Variants in IGSF11 observed in about 807,000 individuals in gnomAD.
IGSF11 encodes the protein CXADR like 1.
Under a neutral mutation model 41.0 loss-of-function variants are expected in IGSF11, and 22 were observed. The observed-to-expected ratio is 0.54, with a 90% CI of 0.38 to 0.77. IGSF11 has a LOEUF of 0.77. Among genes scored for constraint, IGSF11 ranks in the 30% least tolerant of loss-of-function variants. IGSF11 has a pLI of 0.00. For synonymous variants in IGSF11, 219 were observed against 201.3 expected (o/e 1.09, Z -0.74); for missense variants, 444 against 530.8 (o/e 0.84, Z 1.61).
chr3:118,907,586 C>A (rs1449003977), intron 4 of IGSF11, among the ~76,000 whole-genome samples: 1 of 152,090 alleles, frequency 6.6e-6, no homozygotes, highest in African/African-American at 2.4e-5. Flanking sequence ...TAAAAGTGAT[C>A]AATAAATAAA....
intron 1 of IGSF11, among the ~76,000 whole-genome samples, chr3:118,958,029 C>T (rs1443890668): frequency 6.6e-6 from 1 of 152,128 alleles, no homozygotes; most frequent in African/African-American, 2.4e-5. Flanking sequence ...ATCAAAGGTG[C>T]TAAAATACAA....
intron 1 of IGSF11, among the ~76,000 whole-genome samples, chr3:119,028,842 A>C (rs1940084820): frequency 6.6e-6 from 1 of 152,136 alleles, no homozygotes; most frequent in Admixed American, 6.5e-5. Flanking sequence ...TCTTTAAAAA[A>C]GAAAATGCAC....
At position 119,046,430 on chromosome 3, in the gene IGSF11, G is replaced by A. The variant is rs923252542; in HGVS notation, c.49+58714C>T. Among the ~76,000 whole-genome samples, 6 of 152,186 alleles carry A rather than the reference G, an allele frequency of 3.9e-5. 1 individual carries two copies. The highest frequency in any genetic ancestry group is 3.9e-4 in the East Asian group (2 of 5,188). On this transcript the variant is annotated intron_variant, in intron 1 of 6. Transcript: ENST00000354673. ...TGAAATGAATGAAATGAACCAAGAA[G>A]GAAAGTTTAGAGAAAAAAGAATAAA...
chr3:119,120,072 C>A (rs2077311834), intron 1 of IGSF11, among the ~76,000 whole-genome samples: 1 of 152,180 alleles, frequency 6.6e-6, no homozygotes, highest in Non-Finnish European at 1.5e-5. Context: ...TCTGACTGAC[C>A]TTGAGGTCCT....
At chr3:118,932,368 G>A (rs1942931114) in intron 1 of IGSF11, among the ~76,000 whole-genome samples, 1 of 152,184 alleles carries the variant, frequency 6.6e-6, no homozygotes, top group South Asian at 2.1e-4. Context: ...ATACTGTTAT[G>A]ATTACAATTA....
Position 118,902,503 on chromosome 3 carries a change from C to A in IGSF11, c.*17G>T. 1 of 1,258,708 alleles carries A rather than the reference C, an allele frequency of 7.9e-7. No individual in the cohort carries two copies. Among genetic ancestry groups the A allele is most frequent in the African/African-American group, 1.6e-5 (1 of 64,080 alleles). The allele number at this position is 1,258,708 out of a possible 1,614,324, so 78.0% of individuals were successfully genotyped here. ...CATTCCATTTATTCATTTCTGAACA[C>A]AACATTTCCTCATGTCCTATACCAA... On this transcript the variant is annotated 3_prime_UTR_variant, in exon 7 of 7. Transcript: ENST00000393775.
At chr3:119,078,817 T>C (rs2076543242) in intron 1 of IGSF11, among the ~76,000 whole-genome samples, 1 of 152,092 alleles carries the variant, frequency 6.6e-6, no homozygotes, top group Admixed American at 6.6e-5. Context: ...AAACTATGCA[T>C]CCTACAATGG....
intron 1 of IGSF11, among the ~76,000 whole-genome samples, chr3:119,099,260 T>C (rs1649315910): frequency 6.6e-6 from 1 of 152,026 alleles, no homozygotes; most frequent in African/African-American, 2.4e-5. Context: ...CTCAATTCAA[T>C]CCAGAAAATT....
At chr3:118,954,053 TG>T (rs1944782319) in intron 1 of IGSF11, among the ~76,000 whole-genome samples, 1 of 152,198 alleles carries the variant, frequency 6.6e-6, no homozygotes, top group South Asian at 2.1e-4. Flanking sequence ...TTTAAGAACT[TG>T]ATACATCTTG....
At chr3:118,998,227 G>A (rs1363369814) in intron 1 of IGSF11, among the ~76,000 whole-genome samples, 4 of 152,284 alleles carry the variant, frequency 2.6e-5, no homozygotes, top group Admixed American at 2.6e-4. Context: ...AGAGGTGACA[G>A]CCTGGTAACT....
intron 1 of IGSF11, among the ~76,000 whole-genome samples, chr3:119,007,700 C>A (rs1937600629): frequency 6.6e-6 from 1 of 152,136 alleles, no homozygotes. Context: ...CCAACCTCTA[C>A]CAAGATCTTG....
chr3:119,023,330 G>A (rs897557201), intron 1 of IGSF11, among the ~76,000 whole-genome samples: 4 of 138,934 alleles, frequency 2.9e-5, no homozygotes, highest in South Asian at 2.3e-4. Flanking sequence ...AGAAGATCAC[G>A]AAGATGAAAT....
chr3:118,985,692 A>G (rs774606197), intron 1 of IGSF11, among the ~76,000 whole-genome samples: 1 of 152,182 alleles, frequency 6.6e-6, no homozygotes, highest in Non-Finnish European at 1.5e-5. Context: ...CAATGAAACT[A>G]TCACTCATTT....
At chr3:119,112,948 A>G (rs2077202963) in intron 1 of IGSF11, among the ~76,000 whole-genome samples, 1 of 152,216 alleles carries the variant, frequency 6.6e-6, no homozygotes, top group Non-Finnish European at 1.5e-5. Flanking sequence ...ACAGAAAGTG[A>G]AGAGGAAGCA....
intron 1 of IGSF11, among the ~76,000 whole-genome samples, chr3:119,092,181 C>T (rs949070034): frequency 3.3e-5 from 5 of 151,490 alleles, no homozygotes; most frequent in African/African-American, 7.3e-5. Context: ...CCTGTGTTCG[C>T]GCTTGAAGCT....
intron 1 of IGSF11, among the ~76,000 whole-genome samples, chr3:119,029,462 G>T (rs1174681180): frequency 1.3e-5 from 2 of 152,156 alleles, no homozygotes; most frequent in East Asian, 1.9e-4. Context: ...TGGCTCCAGG[G>T]TTAATTTTTT....
chr3:118,954,902 T>A (rs748019347), intron 1 of IGSF11, among the ~76,000 whole-genome samples: 4 of 151,856 alleles, frequency 2.6e-5, no homozygotes, highest in African/African-American at 7.3e-5. Context: ...ATAAAAAAAA[T>A]AGATATTGGC....
chr3:119,048,168 A>C (rs1472193082), intron 1 of IGSF11, among the ~76,000 whole-genome samples: 1 of 152,234 alleles, frequency 6.6e-6, no homozygotes, highest in African/African-American at 2.4e-5. Context: ...TGAAGGAAAT[A>C]GTGACACACA....
chr3:118,926,961 G>A (rs964602929), intron 3 of IGSF11, among the ~76,000 whole-genome samples: 1 of 152,186 alleles, frequency 6.6e-6, no homozygotes, highest in Non-Finnish European at 1.5e-5. Flanking sequence ...AATACAGATG[G>A]TAGAGTTTAA....
Sources: allele counts gnomAD v4.1 joint callset (sites outside exome capture counted in the v4.1 genomes callset), GRCh38; gene constraint gnomAD v4.1.1; transcripts MANE v1.5; gene names NCBI Gene and HGNC (gene_info 2026-07-23, HGNC 2026-07-21).